FRY: variants seen among roughly 807,000 people sequenced by gnomAD.
FRY encodes protein furry homolog.
Under a neutral mutation model 348.4 loss-of-function variants are expected in FRY, and 128 were observed. The observed-to-expected ratio is 0.37, with a 90% confidence interval of 0.32 to 0.43. The LOEUF (loss-of-function observed/expected upper bound fraction) is 0.43. FRY is among the 20% of genes least tolerant of loss of function. The pLI is 1.00. For synonymous variants in FRY, 1,370 were observed against 1,374.7 expected (o/e 1.00, Z 0.08); for missense variants, 2,736 against 3,695.2 (o/e 0.74, Z 6.73).
At chr13:32,265,404 G>A in intron 53 of FRY, 46 bp from the exon 54 acceptor site, 2 of 1,593,318 alleles carry the variant, frequency 1.3e-6, no homozygotes, top group Non-Finnish European at 1.7e-6. Context: ...TGTCCTGTAT[G>A]TTTTCTTACA....
chr13:32,244,453 G>A (rs923593574), intron 47 of FRY, among the ~76,000 whole-genome samples: 10 of 152,158 alleles, frequency 6.6e-5, no homozygotes, highest in South Asian at 6.2e-4. Flanking sequence ...GAAAGCACAC[G>A]CCTGACTTGG....
At chr13:32,077,352 A>G (rs888000786) in intron 1 of FRY, among the ~76,000 whole-genome samples, 3 of 152,220 alleles carry the variant, frequency 2.0e-5, no homozygotes, top group Non-Finnish European at 2.9e-5. Context: ...AGTTATTAAA[A>G]TAATCTAGCC....
intron 16 of FRY, among the ~76,000 whole-genome samples, chr13:32,157,711 G>A (rs764956043): frequency 6.6e-6 from 1 of 152,152 alleles, no homozygotes; most frequent in Non-Finnish European, 1.5e-5. Flanking sequence ...CAACTCATGT[G>A]ACATAGTGAC....
rs201964426 is a variant in FRY at position 32,265,563 on chromosome 13, G to A, written c.7893G>A (p.Met2631Ile). The A allele has an allele frequency of 3.7e-5, 60 of 1,614,234 alleles. 1 individual carries two copies. In the Admixed American group the frequency reaches 5.3e-4, roughly 14 times the overall value. The change falls in exon 54 of 61, where the codon ATG (methionine) becomes ATA (isoleucine). Residue 2631 changes from methionine (M) to isoleucine (I), a missense_variant. This residue lies in a region of FRY where 789 missense variants were observed against 996.2 expected (regional missense o/e 0.79). Transcript: ENST00000542859. ...FECSDSFSLD[M>I]TEGEEKGNRA... Reference sequence around the variant, plus strand: ...GCAGCGACAGCTTTAGCCTGGACATGACTGAGGGGGAAGAAAAAGGCAATC... The same window carrying A: ...GCAGCGACAGCTTTAGCCTGGACATAACTGAGGGGGAAGAAAAAGGCAATC...
rs139770606 is a variant in FRY, at chr13:32,245,094, C to A, written c.6828+912C>A. ...CCTCCCAAGTAGCTGGGACTACAGG[C>A]GTGTGCCACCACGCCCGGCTAATTT... On this transcript the variant is annotated intron_variant, in intron 47 of 60. Transcript: ENST00000542859. Among the ~76,000 whole-genome samples, 4 of 152,134 alleles carry A rather than the reference C, an allele frequency of 2.6e-5. No homozygotes were observed. In the East Asian group the frequency reaches 7.8e-4, roughly 30 times the overall value.
Position 32,194,284 on chromosome 13 carries a change from G to C in FRY, c.3733G>C (p.Val1245Leu), listed in dbSNP as rs1883542640. 1.9e-6 allele frequency: 3 copies of C among 1,614,032 alleles called. No homozygotes were observed. Among genetic ancestry groups the C allele is most frequent in the Non-Finnish European group, 2.5e-6 (3 of 1,179,990 alleles). The change falls in exon 29 of 61, where the codon GTG becomes CTG. Residue 1245 changes from valine to leucine, a missense_variant. By Grantham distance (32) the Val-to-Leu change is conservative. This residue lies in a region of FRY where 794 missense variants were observed against 977.0 expected (regional missense o/e 0.81). Coordinates refer to ENST00000542859, the MANE Select transcript of FRY (RefSeq NM_023037.3). Reference sequence around the variant, plus strand: ...TGGCTGCTTCAAAGCCATAGCAACTGTGTGTGGAAGCAGGTACGAATTTTT... The same window carrying C: ...TGGCTGCTTCAAAGCCATAGCAACTCTGTGTGGAAGCAGGTACGAATTTTT... ...ASGCFKAIAT[V>L]CGSRNYPFDI... is the part of the protein sequence containing the mutation.
At chr13:32,112,803 G>A (rs1447622414) in intron 3 of FRY, among the ~76,000 whole-genome samples, 1 of 152,158 alleles carries the variant, frequency 6.6e-6, no homozygotes, top group Non-Finnish European at 1.5e-5. Flanking sequence ...CTCTATAACT[G>A]AGCTAAAATC....
chr13:32,057,318 C>T (rs947060986), intron 1 of FRY, among the ~76,000 whole-genome samples: 22 of 151,922 alleles, frequency 1.4e-4, no homozygotes, highest in African/African-American at 5.3e-4. Flanking sequence ...ATTACAGGCA[C>T]GTGCCACCAC....
intron 28 of FRY, 23 bp from the exon 29 acceptor site, chr13:32,194,120 A>AT (rs758429083): frequency 6.2e-7 from 1 of 1,605,424 alleles, no homozygotes; most frequent in Non-Finnish European, 8.5e-7. Context: ...TGGGAATAAT[A>AT]TTGATTTGCT....
chr13:32,097,092 G>A (rs1223920752), intron 2 of FRY, among the ~76,000 whole-genome samples: 1 of 152,020 alleles, frequency 6.6e-6, no homozygotes, highest in Non-Finnish European at 1.5e-5. Context: ...TAACTTTTAG[G>A]TAGGTATGGG....
chr13:32,107,767 G>A (rs1388938724), intron 3 of FRY, among the ~76,000 whole-genome samples: 2 of 152,182 alleles, frequency 1.3e-5, no homozygotes, highest in Non-Finnish European at 2.9e-5. Flanking sequence ...CTGCCCTGAG[G>A]AGCCAGGGAG....
intron 59 of FRY, 134 bp downstream of exon 59, chr13:32,289,877 A>G (rs1204325905): frequency 1.7e-5 from 12 of 695,904 alleles, no homozygotes; most frequent in Non-Finnish European, 3.2e-5. Flanking sequence ...CACAATTCTG[A>G]AATAAACATG....
At chr13:32,130,747 T>C (rs948441239) in intron 7 of FRY, among the ~76,000 whole-genome samples, 2 of 152,140 alleles carry the variant, frequency 1.3e-5, no homozygotes, top group Non-Finnish European at 2.9e-5. Context: ...AACTGTAAAA[T>C]TCCATGAATA....
chr13:32,139,504 G>A (rs944334951), intron 11 of FRY, among the ~76,000 whole-genome samples: 3 of 152,206 alleles, frequency 2.0e-5, no homozygotes, highest in Non-Finnish European at 2.9e-5. Context: ...GTGCGTGAGC[G>A]TGAAAACCTG....
rs749181816 is a variant in FRY, at chr13:32,157,328, C to A, written c.1707C>A (p.His569Gln). Residue 569 changes from histidine (H) to glutamine (Q), a missense_variant, in exon 16 of 61, where the codon CAC (histidine) becomes CAA (glutamine). Around this residue, in one of 9 missense-constraint regions of FRY, gnomAD observed 191 missense variants for 370.2 expected, o/e 0.52. Transcript: ENST00000542859. ...AAGCTGTAGACAACATTTTAAGGCA[C>A]CTTGATAAAGAAGTAGGAAGGTGTA... Reference protein sequence around the residue: ...VRKAVDNILRHLDKEVGRCMM... With the variant: ...VRKAVDNILRQLDKEVGRCMM... 6.2e-7 allele frequency: 1 copy of A among 1,612,636 alleles called. No homozygotes were observed. Among genetic ancestry groups the A allele is most frequent in the South Asian group, 1.1e-5 (1 of 91,052 alleles).
chr13:32,247,372 G>A lies in FRY; in HGVS notation c.6878G>A (p.Arg2293Gln), dbSNP rs985694858. ...ALNILKLVVSRSASLVLPSYQ... is the reference protein window; with the variant it reads ...ALNILKLVVSQSASLVLPSYQ... The stretch of plus-strand genomic sequence containing the variant: ...AATATCTTGAAGCTGGTAGTTTCTC[G>A]GTCAGCCAGCCTTGTTTTACCTTCA... The change falls in exon 48 of 61, where the codon CGG (arginine) becomes CAG (glutamine). Residue 2293 changes from arginine to glutamine, a missense_variant. By Grantham distance (43) the Arg-to-Gln change is conservative. Transcript: ENST00000542859. 6 of 1,613,658 alleles carry A rather than the reference G, an allele frequency of 3.7e-6. No homozygotes were observed. Among genetic ancestry groups the A allele is most frequent in the Non-Finnish European group, 5.1e-6 (6 of 1,179,670 alleles).
In FRY at chr13:32,131,718, C is replaced by T. The variant is rs371595336; in HGVS notation, c.763C>T (p.Arg255Trp). ...ATTTATGGCGGAGCTAAAAGAATTA[C>T]GGCACAAAGAGCAGAACCCATATGT... ...KKFMAELKEL[R>W]HKEQNPYVVQ... Residue 255 changes from arginine (R) to tryptophan (W), a missense_variant, in exon 8 of 61, where the codon CGG becomes TGG. Arg to Trp is a moderately radical substitution (Grantham distance 101, BLOSUM62 -3). Coordinates refer to ENST00000542859, the MANE Select transcript of FRY (RefSeq NM_023037.3). The T allele has an allele frequency of 1.1e-5, 17 of 1,613,400 alleles. No individual in the cohort carries two copies. The highest frequency in any genetic ancestry group is 7.7e-5 in the South Asian group (7 of 91,078).
At chr13:32,050,299 AT>A (rs2138398607) in intron 1 of FRY, among the ~76,000 whole-genome samples, 1 of 152,310 alleles carries the variant, frequency 6.6e-6, no homozygotes, top group East Asian at 1.9e-4. Context: ...ACATATGACA[AT>A]CTCTCGGAAA....
rs773803323 is a variant in FRY, at chr13:32,178,199, A to G, written c.2444A>G (p.Asn815Ser). The change falls in exon 21 of 61, where the codon AAT becomes AGT. Residue 815 changes from asparagine (N) to serine (S), a missense_variant. Physicochemically the swap from Asn to Ser is conservative, Grantham distance 46. This residue lies in a region of FRY where 449 missense variants were observed against 576.9 expected (regional missense o/e 0.78). Coordinates refer to ENST00000542859, the MANE Select transcript of FRY (RefSeq NM_023037.3). ...CAGGCAACATTACCACTCACCCACA[A>G]TGTGGATCTGCAGTGGTTGGTGGAA... ...SDSATLPLTHNVDLQWLVEWN... is the reference protein window; with the variant it reads ...SDSATLPLTHSVDLQWLVEWN... The G allele has an allele frequency of 7.4e-6, 12 of 1,614,076 alleles. No homozygotes were observed. Among genetic ancestry groups the G allele is most frequent in the East Asian group, 6.7e-5 (3 of 44,894 alleles).
Sources: allele counts gnomAD v4.1 joint callset (sites outside exome capture counted in the v4.1 genomes callset), GRCh38; gene constraint gnomAD v4.1.1; regional missense constraint gnomAD v4.1.1; transcripts MANE v1.5; gene names NCBI Gene and HGNC (gene_info 2026-07-23, HGNC 2026-07-21).